Variants in CACNA1I observed in about 807,000 individuals in gnomAD.
CACNA1I encodes voltage-dependent T-type calcium channel subunit alpha-1I.
In CACNA1I, 74 loss-of-function variants were observed where a neutral mutation model predicts 201.6. The observed-to-expected ratio is 0.37, with a 90% CI of 0.30 to 0.45. CACNA1I has a LOEUF of 0.45. CACNA1I is among the 20% of genes least tolerant of loss of function. CACNA1I has a pLI of 1.00. For synonymous variants in CACNA1I, 1,431 were observed against 1,345.2 expected (o/e 1.06, Z -1.40); for missense variants, 2,346 against 3,138.1 (o/e 0.75, Z 6.03).
intron 2 of CACNA1I, 128 bp from the exon 3 acceptor site, chr22:39,600,392 G>A (rs568945341): frequency 7.2e-6 from 5 of 694,502 alleles, no homozygotes; most frequent in South Asian, 5.4e-5. Flanking sequence ...TGCCCAGGAG[G>A]AGTTTCCGGG....
rs370980980 is a variant in CACNA1I at position 39,679,181 on chromosome 22, C to T, written c.5130C>T (p.Phe1710=). Residue 1710 remains phenylalanine, a synonymous_variant, in exon 32 of 37, where the codon TTC becomes TTT. Transcript: ENST00000402142. ...SSLQFVSPLY[F]VSFVLTAQFV... ...TGCAGTTTGTGTCGCCGCTGTACTT[C>T]GTGAGCTTCGTGCTCACCGCGCAGT... The T allele has an allele frequency of 1.3e-4, 208 of 1,590,584 alleles. No homozygotes were observed. The highest frequency in any genetic ancestry group is 7.0e-4 in the South Asian group (61 of 86,842).
At chr22:39,602,654 C>T (rs1933102354) in intron 3 of CACNA1I, among the ~76,000 whole-genome samples, 1 of 152,016 alleles carries the variant, frequency 6.6e-6, no homozygotes, top group Non-Finnish European at 1.5e-5. Flanking sequence ...GTTATTTGTG[C>T]TATTGTAGAG....
chr22:39,680,863 A>C, intron 33 of CACNA1I, 67 bp from the exon 34 acceptor site: 1 of 1,523,768 alleles, frequency 6.6e-7, no homozygotes, highest in Non-Finnish European at 8.8e-7. Context: ...CTGTGGCTGC[A>C]CGCCCCAGGA....
Position 39,659,242 on chromosome 22 carries a change from T to C in CACNA1I, c.2330+126T>C. 8.3e-7 allele frequency: 1 copy of C among 1,210,694 alleles called. No individual in the cohort carries two copies. Among genetic ancestry groups the C allele is most frequent in the Non-Finnish European group, 1.2e-6 (1 of 857,926 alleles). 75.0% of individuals were successfully genotyped at this position (1,210,694 alleles called of 1,614,324 possible). On this transcript the variant is annotated intron_variant, in intron 12 of 36. Coordinates refer to ENST00000402142, the MANE Select transcript of CACNA1I (RefSeq NM_021096.4). This position sits in a 1 kb window ranked among gnomAD's most constrained non-coding sequence, Gnocchi z 4.3. ...TGGACCTGGGTGTGAAGCCTGACACTGTTCCTCAGTCCCCTGTGGCTTTCA... is the reference window on the plus strand; with the variant it reads ...TGGACCTGGGTGTGAAGCCTGACACCGTTCCTCAGTCCCCTGTGGCTTTCA...
In CACNA1I at chr22:39,685,641, T is replaced by A; in HGVS notation, c.6028-120T>A. 1 of 850,766 alleles carries A rather than the reference T, an allele frequency of 1.2e-6. No homozygotes were observed. Among genetic ancestry groups the A allele is most frequent in the South Asian group, 2.2e-5 (1 of 45,462 alleles). The allele number at this position is 850,766 out of a possible 1,614,324, so 52.7% of individuals were successfully genotyped here. On this transcript the variant is annotated intron_variant, in intron 36 of 36. Transcript: ENST00000402142. This position sits in a 1 kb window ranked among gnomAD's most constrained non-coding sequence, Gnocchi z 5.0. Reference sequence around the variant, plus strand: ...GACGTGCGGAGGGGAGAAGCCCTGCTCCGAAGGGAGCTCCTTGGATGGGGT... The same window carrying A: ...GACGTGCGGAGGGGAGAAGCCCTGCACCGAAGGGAGCTCCTTGGATGGGGT...
chr22:39,661,908 G>C, intron 16 of CACNA1I, 57 bp from the exon 17 acceptor site: 1 of 1,228,986 alleles, frequency 8.1e-7, no homozygotes, highest in Non-Finnish European at 1.1e-6. Flanking sequence ...TGGGCACCTG[G>C]TGCCCCAGCC....
intron 5 of CACNA1I, among the ~76,000 whole-genome samples, chr22:39,637,898 G>A (rs928793965): frequency 6.6e-5 from 10 of 152,018 alleles, no homozygotes; most frequent in Non-Finnish European, 1.2e-4. Context: ...TAGGTCTGAC[G>A]TCCAAATCTA....
intron 2 of CACNA1I, among the ~76,000 whole-genome samples, chr22:39,599,458 A>T (rs1452391700): frequency 7.0e-6 from 1 of 143,820 alleles, no homozygotes; most frequent in Non-Finnish European, 1.5e-5. Flanking sequence ...TCTCTACTAA[A>T]AATACAAAAA....
intron 33 of CACNA1I, 107 bp downstream of exon 33, chr22:39,679,975 T>C (rs1319043420): frequency 1.8e-6 from 2 of 1,103,402 alleles, no homozygotes; most frequent in Non-Finnish European, 2.6e-6. Flanking sequence ...GAGACCAGGC[T>C]GGGTCAACGT....
At position 39,634,696 on chromosome 22, in the gene CACNA1I, C is replaced by G; in HGVS notation, c.712C>G (p.Arg238Gly). 6.2e-7 allele frequency: 1 copy of G among 1,613,728 alleles called. No homozygotes were observed. Among genetic ancestry groups the G allele is most frequent in the Non-Finnish European group, 8.5e-7 (1 of 1,179,790 alleles). The change falls in exon 5 of 37, where the codon CGC (arginine) becomes GGC (glycine). Residue 238 changes from arginine to glycine, a missense_variant. Physicochemically the swap from Arg to Gly is moderately radical, Grantham distance 125. Transcript: ENST00000402142. ...GCTCTGGGCGGGCCTGCTGCGTAAC[C>G]GCTGCTTCCTGGAGGAGAACTTCAC... ...VQLWAGLLRN[R>G]CFLEENFTIQ...
intron 1 of CACNA1I, among the ~76,000 whole-genome samples, chr22:39,574,440 C>T (rs890678359): frequency 6.6e-6 from 1 of 151,350 alleles, no homozygotes; most frequent in Non-Finnish European, 1.5e-5. Context: ...GAGACTCAGT[C>T]GTGGGGAGCT....
Position 39,650,448 on chromosome 22 carries a change from G to A in CACNA1I, c.1992+523G>A, listed in dbSNP as rs142512914. Among the ~76,000 whole-genome samples the A allele has an allele frequency of 7.2e-4, 110 of 152,340 alleles. 2 individuals carry two copies. The highest frequency in any genetic ancestry group is 2.5e-3 in the African/African-American group (105 of 41,574). ...ACTACAGGGAGGTGCCACCAAGCCT[G>A]GCCACCTGGGCCCTTCTGTCCATTC... On this transcript the variant is annotated intron_variant, in intron 10 of 36. Transcript: ENST00000402142.
chr22:39,635,455 C>T (rs939791359), intron 5 of CACNA1I, among the ~76,000 whole-genome samples: 26 of 152,070 alleles, frequency 1.7e-4, no homozygotes, highest in African/African-American at 5.8e-4. Flanking sequence ...CTGTAGGAAG[C>T]GTGGGGACGT....
chr22:39,646,685 C>T lies in CACNA1I; in HGVS notation c.1266C>T (p.Ser422=). 1.9e-6 allele frequency: 3 copies of T among 1,588,308 alleles called. No individual in the cohort carries two copies. Among genetic ancestry groups the T allele is most frequent in the Non-Finnish European group, 2.6e-6 (3 of 1,167,776 alleles). The change falls in exon 8 of 37, where the codon TCC becomes TCT. Residue 422 remains serine, a synonymous_variant. Coordinates refer to ENST00000402142, the MANE Select transcript of CACNA1I (RefSeq NM_021096.4). The part of the protein sequence containing the change: ...MLEQRQRYLS[S]STVASYAEPG... ...AGCAGCGGCAGCGCTACCTGTCCTCCAGCACGGTGGCCAGCTACGCCGAGC... is the reference window on the plus strand; with the variant it reads ...AGCAGCGGCAGCGCTACCTGTCCTCTAGCACGGTGGCCAGCTACGCCGAGC...
chr22:39,658,281 G>C lies in CACNA1I; in HGVS notation c.2122G>C (p.Asp708His). Reference protein sequence around the residue: ...DYLRNPYNIFDSIIVIISIWE... With the variant: ...DYLRNPYNIFHSIIVIISIWE... Reference sequence around the variant, plus strand: ...CCTGCGTAACCCCTACAACATCTTCGACAGCATCATTGTCATCATCAGGTA... The same window carrying C: ...CCTGCGTAACCCCTACAACATCTTCCACAGCATCATTGTCATCATCAGGTA... The change falls in exon 11 of 37, where the codon GAC becomes CAC. Residue 708 changes from aspartate to histidine, a missense_variant. This residue lies in a region of CACNA1I where 155 missense variants were observed against 300.8 expected (regional missense o/e 0.52). Coordinates refer to ENST00000402142, the MANE Select transcript of CACNA1I (RefSeq NM_021096.4). 1 of 1,613,796 alleles carries C rather than the reference G, an allele frequency of 6.2e-7. No individual in the cohort carries two copies. Among genetic ancestry groups the C allele is most frequent in the Non-Finnish European group, 8.5e-7 (1 of 1,179,836 alleles).
chr22:39,635,705 G>A (rs1934197570), intron 5 of CACNA1I, among the ~76,000 whole-genome samples: 1 of 152,158 alleles, frequency 6.6e-6, no homozygotes, highest in Non-Finnish European at 1.5e-5. Flanking sequence ...TCCTGAGGCA[G>A]GGCCTGGGGC....
chr22:39,638,334 G>T (rs1371647026), intron 5 of CACNA1I, among the ~76,000 whole-genome samples: 1 of 152,226 alleles, frequency 6.6e-6, no homozygotes, highest in Admixed American at 6.5e-5. Flanking sequence ...CCACTGAATT[G>T]CAGGGGTGCC....
chr22:39,598,648 A>T (rs929496516), intron 2 of CACNA1I, among the ~76,000 whole-genome samples: 1 of 151,102 alleles, frequency 6.6e-6, no homozygotes, highest in African/African-American at 2.4e-5. Flanking sequence ...AGTGACCCCG[A>T]CTCTCCTCTG....
In CACNA1I at chr22:39,665,808, G is replaced by A. The variant is rs529175762; in HGVS notation, c.3979-73G>A. 6.6e-5 allele frequency: 105 copies of A among 1,600,136 alleles called. No individual in the cohort carries two copies. Among genetic ancestry groups the A allele is most frequent in the Non-Finnish European group, 7.6e-5 (89 of 1,169,202 alleles). On this transcript the variant is annotated intron_variant, in intron 22 of 36. Coordinates refer to ENST00000402142, the MANE Select transcript of CACNA1I (RefSeq NM_021096.4). The surrounding 1 kb of genome is among the most constrained non-coding windows in gnomAD (Gnocchi z 5.5). ...AGCACAAGACAGTCTGAGTAAACGC[G>A]ATCGAGAGGCGAGTTCCTCTCTGAC...
Sources: allele counts gnomAD v4.1 joint callset (sites outside exome capture counted in the v4.1 genomes callset), GRCh38; gene constraint gnomAD v4.1.1; regional missense constraint gnomAD v4.1.1; non-coding constraint Gnocchi (gnomAD v3.1); transcripts MANE v1.5; gene names NCBI Gene and HGNC (gene_info 2026-07-23, HGNC 2026-07-21).